RELN: variants seen among roughly 807,000 people sequenced by gnomAD.
RELN encodes the protein reelin.
RELN carries 108 observed loss-of-function variants against 427.6 expected under a neutral mutation model. The observed-to-expected ratio is 0.25, with a 90% CI of 0.22 to 0.30. The LOEUF (loss-of-function observed/expected upper bound fraction) is 0.30, where lower values mean the gene tolerates loss of function less well. RELN is among the 10% of genes least tolerant of loss of function. The probability of loss-of-function intolerance (pLI) is 1.00; values close to 1 mark genes in which losing one functional copy is unlikely to be tolerated. For missense variants in RELN, 3,715 were observed against 4,302.8 expected, an observed-to-expected ratio of 0.86 and a Z score of 3.82; for synonymous variants, 1,524 against 1,513.4, an observed-to-expected ratio of 1.01 and a Z score of -0.16.
chr7:103,804,370 T>C (rs898302768), intron 3 of RELN, among the ~76,000 whole-genome samples: 2 of 152,124 alleles, frequency 1.3e-5, no homozygotes, highest in African/African-American at 4.8e-5. Context: ...AAAACGGCAC[T>C]AAATAGTGGT....
intron 1 of RELN, among the ~76,000 whole-genome samples, chr7:103,973,785 A>C (rs1384680109): frequency 6.6e-6 from 1 of 151,834 alleles, no homozygotes; most frequent in African/African-American, 2.4e-5. Context: ...AAGACTATAA[A>C]TAGATTAAAT....
At chr7:103,759,197 A>C (rs541103306) in intron 4 of RELN, among the ~76,000 whole-genome samples, 2 of 152,252 alleles carry the variant, frequency 1.3e-5, no homozygotes, top group South Asian at 4.1e-4. Flanking sequence ...TAGCAAAAGA[A>C]AGAGACTGGA....
chr7:103,632,854 T>G (rs1281496069), intron 19 of RELN, among the ~76,000 whole-genome samples: 1 of 151,982 alleles, frequency 6.6e-6, no homozygotes, highest in Non-Finnish European at 1.5e-5. Context: ...GATGACATGA[T>G]AGAACAAAGA....
chr7:103,877,590 A>G (rs576247201), intron 2 of RELN, among the ~76,000 whole-genome samples: 1 of 151,870 alleles, frequency 6.6e-6, no homozygotes, highest in Non-Finnish European at 1.5e-5. Flanking sequence ...TCTCGATTCA[A>G]TTCTCCAGAT....
intron 7 of RELN, among the ~76,000 whole-genome samples, chr7:103,724,559 T>C (rs892209673): frequency 6.6e-6 from 1 of 152,238 alleles, no homozygotes; most frequent in African/African-American, 2.4e-5. Context: ...TAAATGATGC[T>C]TGTGTCACCT....
chr7:103,825,606 T>C (rs2116384835), intron 3 of RELN, among the ~76,000 whole-genome samples: 1 of 152,152 alleles, frequency 6.6e-6, no homozygotes, highest in East Asian at 1.9e-4. Context: ...TTTCTGTAAA[T>C]GTCACGGTAA....
intron 4 of RELN, among the ~76,000 whole-genome samples, chr7:103,775,521 G>A (rs910847271): frequency 6.6e-6 from 1 of 151,894 alleles, no homozygotes; most frequent in African/African-American, 2.4e-5. Context: ...CATTTCTCTT[G>A]AAAGCCCATC....
Position 103,603,547 on chromosome 7 carries a change from C to T in RELN, c.3147-57G>A. On this transcript the variant is annotated intron_variant, in intron 23 of 64. Transcript: ENST00000428762. This position sits in a 1 kb window ranked among gnomAD's most constrained non-coding sequence, Gnocchi z 4.3. ...ACAGGCCCACCTGCCAATGCAATGG[C>T]CCTCTGACCTCAACCATTTCCCATG... 3 of 1,276,742 alleles carry T rather than the reference C, an allele frequency of 2.3e-6. No homozygotes were observed. The highest frequency in any genetic ancestry group is 2.3e-5 in the East Asian group (1 of 43,176). 79.1% of individuals were successfully genotyped at this position (1,276,742 alleles called of 1,614,324 possible).
At chr7:103,690,219 A>G (rs1399496232) in intron 10 of RELN, among the ~76,000 whole-genome samples, 2 of 152,148 alleles carry the variant, frequency 1.3e-5, no homozygotes, top group African/African-American at 4.8e-5. Flanking sequence ...ATTCCTGAAT[A>G]TGAGAATTCT....
intron 1 of RELN, among the ~76,000 whole-genome samples, chr7:103,980,092 G>A (rs777765913): frequency 2.6e-5 from 4 of 151,496 alleles, no homozygotes; most frequent in African/African-American, 7.3e-5. Flanking sequence ...ATCAGGAGGC[G>A]GAGGTTTCGT....
At chr7:103,737,565 G>C (rs1445486476) in intron 6 of RELN, among the ~76,000 whole-genome samples, 1 of 152,188 alleles carries the variant, frequency 6.6e-6, no homozygotes, top group Non-Finnish European at 1.5e-5. Flanking sequence ...ATTAAATAAA[G>C]TTCCAGCTAG....
intron 52 of RELN, among the ~76,000 whole-genome samples, chr7:103,502,618 C>G (rs992641315): frequency 5.1e-4 from 78 of 152,154 alleles, no homozygotes; most frequent in African/African-American, 1.7e-3. Context: ...TTAGGATTTG[C>G]TCCTGGCTCT....
intron 2 of RELN, among the ~76,000 whole-genome samples, chr7:103,895,147 C>T (rs1348825183): frequency 1.3e-5 from 2 of 152,002 alleles, no homozygotes; most frequent in Non-Finnish European, 2.9e-5. Context: ...TATGCACTGG[C>T]AAGAAAAACA....
At chr7:103,624,011 A>C (rs1352075360) in intron 20 of RELN, among the ~76,000 whole-genome samples, 2 of 152,180 alleles carry the variant, frequency 1.3e-5, no homozygotes, top group African/African-American at 4.8e-5. Flanking sequence ...ATATAATACT[A>C]AATTACTGGT....
At chr7:103,491,869 C>G (rs972578326) in intron 58 of RELN, 84 bp downstream of exon 58, 8 of 565,164 alleles carry the variant, frequency 1.4e-5, no homozygotes, top group Non-Finnish European at 9.3e-6. Context: ...CACACACACA[C>G]ACACACACAC....
chr7:103,893,236 T>G (rs1307005370), intron 2 of RELN, among the ~76,000 whole-genome samples: 1 of 152,098 alleles, frequency 6.6e-6, no homozygotes, highest in Non-Finnish European at 1.5e-5. Flanking sequence ...GATGCAGAAC[T>G]CTCAGGTGGG....
At chr7:103,614,254 C>T (rs1832031051) in intron 20 of RELN, among the ~76,000 whole-genome samples, 1 of 152,172 alleles carries the variant, frequency 6.6e-6, no homozygotes, top group Non-Finnish European at 1.5e-5. Context: ...TTTGGTGTCT[C>T]CCATTTCCTA....
Position 103,769,898 on chromosome 7 carries a change from C to G in RELN, c.544+6659G>C, listed in dbSNP as rs373976491. Among the ~76,000 whole-genome samples the G allele has an allele frequency of 3.7e-4, 56 of 152,328 alleles. No individual in the cohort carries two copies. In the South Asian group the frequency reaches 0.012, roughly 32 times the overall value. On this transcript the variant is annotated intron_variant, in intron 4 of 64. Coordinates refer to ENST00000428762, the MANE Select transcript of RELN (RefSeq NM_005045.4). Reference sequence around the variant, plus strand: ...CCTCTTTCCTGGCTCTTAGGAGCGACTGCTGTTTCTTTATCAATTACAGCA... The same window carrying G: ...CCTCTTTCCTGGCTCTTAGGAGCGAGTGCTGTTTCTTTATCAATTACAGCA...
intron 10 of RELN, among the ~76,000 whole-genome samples, chr7:103,696,369 A>T (rs1833976667): frequency 6.6e-6 from 1 of 152,094 alleles, no homozygotes; most frequent in African/African-American, 2.4e-5. Flanking sequence ...AAGGCTAATG[A>T]TTGCCAAATT....
Sources: gnomAD v4.1 joint callset for allele counts (sites outside exome capture counted in the v4.1 genomes callset) on GRCh38, gnomAD v4.1.1 for gene constraint, Gnocchi (gnomAD v3.1) non-coding constraint, MANE v1.5 for transcripts, NCBI Gene and HGNC (gene_info 2026-07-23, HGNC 2026-07-21) for gene names.